PIK3CA: variants seen among roughly 807,000 people sequenced by gnomAD.
PIK3CA encodes the protein phosphatidylinositol 4,5-bisphosphate 3-kinase catalytic subunit alpha isoform.
In PIK3CA, 27 loss-of-function variants were observed where a neutral mutation model predicts 138.2. The observed-to-expected ratio is 0.20, with a 90% confidence interval of 0.14 to 0.27. The LOEUF (loss-of-function observed/expected upper bound fraction) is 0.27. Among genes scored for constraint, PIK3CA ranks in the 10% least tolerant of loss-of-function variants. PIK3CA has a pLI of 1.00. For missense variants in PIK3CA, 544 were observed against 1,277.4 expected (o/e 0.43, Z 8.75); for synonymous variants, 358 against 413.2 (o/e 0.87, Z 1.62).
chr3:179,199,635 T>A (rs2108386926), intron 2 of PIK3CA, 55 bp from the exon 3 acceptor site: 2 of 1,256,922 alleles, frequency 1.6e-6, no homozygotes, highest in Admixed American at 3.8e-5. Context: ...AAAAAAAACA[T>A]GTTCATGCTG....
intron 14 of PIK3CA, among the ~76,000 whole-genome samples, chr3:179,223,216 A>G (rs1288972997): frequency 2.0e-5 from 3 of 152,234 alleles, no homozygotes; most frequent in Non-Finnish European, 2.9e-5. Context: ...ATTCATTTGT[A>G]TATAACAAGA....
At chr3:179,150,170 C>CGTGTGTGTGTGTGTGT (rs35995073) in intron 1 of PIK3CA, among the ~76,000 whole-genome samples, 205 of 147,142 alleles carry the variant, frequency 1.4e-3, no homozygotes, top group East Asian at 3.4e-3. Flanking sequence ...TGTGTGTTTA[C>CGTGTGTGTGTGTGTGT]GTGTGTGTGT....
At chr3:179,167,180 T>C (rs757969828) in intron 1 of PIK3CA, among the ~76,000 whole-genome samples, 73 of 152,132 alleles carry the variant, frequency 4.8e-4, no homozygotes, top group Admixed American at 1.6e-3. Context: ...AGCTGAAATA[T>C]ACACATACCT....
In PIK3CA at chr3:179,234,081, T is replaced by C. The variant is rs765848828; in HGVS notation, c.2937-13T>C. ...TTGCTCCAAACTGACCAAACTGTTC[T>C]TATTACTTATAGGTTTCAGGAGATG... On this transcript the variant is annotated splice_polypyrimidine_tract_variant and intron_variant, in intron 20 of 20. Coordinates refer to ENST00000263967, the MANE Select transcript of PIK3CA (RefSeq NM_006218.4). This position sits in a 1 kb window ranked among gnomAD's most constrained non-coding sequence, Gnocchi z 5.1. 8 of 1,588,212 alleles carry C rather than the reference T, an allele frequency of 5.0e-6. No homozygotes were observed. In the Admixed American group the frequency reaches 1.2e-4, roughly 24 times the overall value.
At chr3:179,189,770 A>AT (rs2108377859) in intron 1 of PIK3CA, among the ~76,000 whole-genome samples, 1 of 152,308 alleles carries the variant, frequency 6.6e-6, no homozygotes, top group South Asian at 2.1e-4. Context: ...AGGAATTTAA[A>AT]TTTTTTGCAT....
Position 179,201,486 on chromosome 3 carries a change from A to G in PIK3CA, c.759A>G (p.Lys253=). 3.7e-6 allele frequency: 6 copies of G among 1,611,864 alleles called. No homozygotes were observed. Among genetic ancestry groups the G allele is most frequent in the Non-Finnish European group, 5.1e-6 (6 of 1,178,028 alleles). The change falls in exon 4 of 21, where the codon AAA becomes AAG. Residue 253 remains lysine (K), a synonymous_variant. Transcript: ENST00000263967. ...VLEYQGKYIL[K]VCGCDEYFLE... ...AATATCAGGGCAAGTATATTTTAAA[A>G]GTGTGTGGATGTGATGAATACTTCC...
intron 5 of PIK3CA, 69 bp from the exon 6 acceptor site, chr3:179,204,434 G>A: frequency 1.4e-6 from 1 of 698,048 alleles, no homozygotes; most frequent in Non-Finnish European, 2.5e-6. Flanking sequence ...TTATATTTGA[G>A]TCTATCGAGT....
chr3:179,203,208 G>A (rs1397170507), intron 4 of PIK3CA, among the ~76,000 whole-genome samples: 1 of 152,052 alleles, frequency 6.6e-6, no homozygotes, highest in Non-Finnish European at 1.5e-5. Flanking sequence ...CCAAAGTGCT[G>A]GGATTACAGG....
chr3:179,201,614 T>TC (rs1724412284), intron 4 of PIK3CA, 74 bp downstream of exon 4: 1 of 1,081,104 alleles, frequency 9.2e-7, no homozygotes, highest in African/African-American at 1.7e-5. Context: ...TCTGTATTTT[T>TC]TTTTTTTTTT....
rs1435775251 is a variant in PIK3CA, at chr3:179,229,259, A to T, written c.2496-13A>T. The T allele has an allele frequency of 6.3e-7, 1 of 1,597,408 alleles. No individual in the cohort carries two copies. On this transcript the variant is annotated splice_polypyrimidine_tract_variant and intron_variant, in intron 17 of 20. Transcript: ENST00000263967. ...TCCATCATTTAATTGTAAACGTGTT[A>T]CTCCTCTTTCAGAATGTTACCTTAT...
At chr3:179,197,919 T>A (rs1724309098) in intron 1 of PIK3CA, among the ~76,000 whole-genome samples, 1 of 152,216 alleles carries the variant, frequency 6.6e-6, no homozygotes, top group Non-Finnish European at 1.5e-5. Flanking sequence ...TAATACTTAA[T>A]AGTTCTTAAA....
intron 17 of PIK3CA, among the ~76,000 whole-genome samples, chr3:179,228,241 A>G (rs1725127804): frequency 6.6e-6 from 1 of 151,988 alleles, no homozygotes; most frequent in Non-Finnish European, 1.5e-5. Flanking sequence ...CATCTTTCTG[A>G]TGAGATTCTT....
chr3:179,203,524 G>GC lies in PIK3CA; in HGVS notation c.814-15dup. Reference sequence around the variant, plus strand: ...TGAAAAACCTTACAGGAAATGGCTCGCCCCCTTAATCTCTTACAGTATATA... The same window carrying GC: ...TGAAAAACCTTACAGGAAATGGCTCGCCCCCCTTAATCTCTTACAGTATATA... On this transcript the variant is annotated intron_variant, in intron 4 of 20. Transcript: ENST00000263967. The GC allele has an allele frequency of 6.4e-7, 1 of 1,572,174 alleles. No homozygotes were observed. Among genetic ancestry groups the GC allele is most frequent in the Non-Finnish European group, 8.6e-7 (1 of 1,160,948 alleles).
At chr3:179,155,864 G>A (rs1371469379) in intron 1 of PIK3CA, among the ~76,000 whole-genome samples, 1 of 152,136 alleles carries the variant, frequency 6.6e-6, no homozygotes, top group Non-Finnish European at 1.5e-5. Flanking sequence ...GAGGCTGTGT[G>A]CTGTGGTGAA....
At chr3:179,155,335 C>T (rs893006501) in intron 1 of PIK3CA, among the ~76,000 whole-genome samples, 1 of 152,158 alleles carries the variant, frequency 6.6e-6, no homozygotes, top group Non-Finnish European at 1.5e-5. Context: ...AAAATACTTT[C>T]TTATATTTCT....
At chr3:179,199,603 ATC>A in intron 2 of PIK3CA, 85 bp from the exon 3 acceptor site, 1 of 959,542 alleles carries the variant, frequency 1.0e-6, no homozygotes, top group Non-Finnish European at 1.6e-6. Context: ...GATCTTCCAA[ATC>A]TACAGAGTTC....
At chr3:179,159,160 T>G (rs1447699970) in intron 1 of PIK3CA, among the ~76,000 whole-genome samples, 2 of 152,212 alleles carry the variant, frequency 1.3e-5, no homozygotes, top group Non-Finnish European at 2.9e-5. Context: ...TTTTAAAGAA[T>G]GACTTTTATT....
At chr3:179,224,507 A>T (rs1038297389) in intron 15 of PIK3CA, among the ~76,000 whole-genome samples, 193 bp from the exon 16 acceptor site, 1 of 152,144 alleles carries the variant, frequency 6.6e-6, no homozygotes, top group East Asian at 1.9e-4. Context: ...TTCATATGCA[A>T]TTATATAACT....
intron 14 of PIK3CA, among the ~76,000 whole-genome samples, chr3:179,223,385 T>C (rs1725012062): frequency 6.6e-6 from 1 of 152,224 alleles, no homozygotes; most frequent in Non-Finnish European, 1.5e-5. Flanking sequence ...GTCTGGGCTC[T>C]GATTTGAATT....
Sources: allele counts gnomAD v4.1 joint callset (sites outside exome capture counted in the v4.1 genomes callset), GRCh38; gene constraint gnomAD v4.1.1; non-coding constraint Gnocchi (gnomAD v3.1); transcripts MANE v1.5; gene names NCBI Gene and HGNC (gene_info 2026-07-23, HGNC 2026-07-21).